Variants in TMEM98 observed in about 807,000 individuals in gnomAD.
TMEM98 encodes the protein transmembrane protein 98.
In TMEM98, 18 loss-of-function variants were observed where a neutral mutation model predicts 25.0. That is an observed-to-expected ratio of 0.72 (90% CI 0.50 to 1.07). The LOEUF (loss-of-function observed/expected upper bound fraction) is 1.07, where lower values mean the gene tolerates loss of function less well. Among genes scored for constraint, TMEM98 ranks in the 50% least tolerant of loss-of-function variants. TMEM98 has a pLI of 0.00. For synonymous variants in TMEM98, 103 were observed against 112.4 expected, an observed-to-expected ratio of 0.92 and a Z score of 0.53; for missense variants, 241 against 289.0, an observed-to-expected ratio of 0.83 and a Z score of 1.20.
intron 6 of TMEM98, among the ~76,000 whole-genome samples, chr17:32,937,961 T>G (rs1222128069): frequency 6.6e-6 from 1 of 152,184 alleles, no homozygotes; most frequent in Non-Finnish European, 1.5e-5. Flanking sequence ...TTTTTGTGCC[T>G]TCTAAGAGCC....
Position 32,941,001 on chromosome 17 carries a change from A to T in TMEM98, c.*8A>T, listed in dbSNP as rs201452683. On this transcript the variant is annotated 3_prime_UTR_variant, in exon 8 of 8. Coordinates refer to ENST00000579849, the MANE Select transcript of TMEM98 (RefSeq NM_015544.3). The stretch of plus-strand genomic sequence containing the variant: ...GAGCAGTCTGCAATTTAGTGCCTAC[A>T]GGCCAGCAGCTAGCCATGAAGGCCC... 3.8e-6 allele frequency: 6 copies of T among 1,590,608 alleles called. No homozygotes were observed. The South Asian group carries it at 5.6e-5, about 15-fold the overall frequency.
At chr17:32,932,325 T>C (rs1447057824) in intron 3 of TMEM98, among the ~76,000 whole-genome samples, 3 of 152,126 alleles carry the variant, frequency 2.0e-5, no homozygotes, top group Admixed American at 2.0e-4. Flanking sequence ...GGTCTTGAAC[T>C]CCTGACCTCA....
At chr17:32,931,818 T>C (rs968842786) in intron 3 of TMEM98, among the ~76,000 whole-genome samples, 159 bp downstream of exon 3, 20 of 152,212 alleles carry the variant, frequency 1.3e-4, no homozygotes, top group African/African-American at 4.8e-4. Context: ...AGTTTAAGAA[T>C]GTTCCTTAAG....
At chr17:32,933,039 G>A (rs2091477936) in intron 3 of TMEM98, 135 bp from the exon 4 acceptor site, 1 of 1,315,406 alleles carries the variant, frequency 7.6e-7, no homozygotes. Flanking sequence ...CTTAGGTTTG[G>A]ATCCGGGACA....
intron 6 of TMEM98, among the ~76,000 whole-genome samples, chr17:32,937,587 TTTTA>T (rs953907566): frequency 2.6e-5 from 4 of 151,934 alleles, no homozygotes; most frequent in African/African-American, 9.7e-5. Flanking sequence ...TTCCCCATTA[TTTTA>T]TTTATTTATT....
At chr17:32,931,193 G>A in intron 1 of TMEM98, 134 bp from the exon 2 acceptor site, 1 of 230,388 alleles carries the variant, frequency 4.3e-6, no homozygotes, top group South Asian at 6.2e-5. Context: ...GACAGAGCTA[G>A]ACTCCATCTT....
chr17:32,931,310 A>G lies in TMEM98; in HGVS notation c.-130-17A>G, dbSNP rs2091467655. The G allele has an allele frequency of 2.1e-6, 1 of 478,282 alleles. No homozygotes were observed. The highest frequency in any genetic ancestry group is 3.5e-6 in the Non-Finnish European group (1 of 283,330). 29.6% of individuals were successfully genotyped at this position (478,282 alleles called of 1,614,324 possible). ...AAATTTGGGGCATGGCATAAATTTT[A>G]CCTTGGTTCTCTTCAGGCCCTCAGG... On this transcript the variant is annotated splice_polypyrimidine_tract_variant and intron_variant, in intron 1 of 7. Transcript: ENST00000579849.
intron 7 of TMEM98, 131 bp from the exon 8 acceptor site, chr17:32,940,654 GC>G: frequency 1.2e-6 from 1 of 868,434 alleles, no homozygotes. Flanking sequence ...ACTTTAAATT[GC>G]ATACCTACCA....
Position 32,941,108 on chromosome 17 carries a change from G to A in TMEM98, c.*115G>A. 1.1e-6 allele frequency: 1 copy of A among 897,218 alleles called. No individual in the cohort carries two copies. Among genetic ancestry groups the A allele is most frequent in the East Asian group, 2.7e-5 (1 of 37,458 alleles). 55.6% of individuals were successfully genotyped at this position (897,218 alleles called of 1,614,324 possible). On this transcript the variant is annotated 3_prime_UTR_variant, in exon 8 of 8. Coordinates refer to ENST00000579849, the MANE Select transcript of TMEM98 (RefSeq NM_015544.3). ...TTGTTCTCCACGGCTGGAGAGTTCA[G>A]CTGTGTGTGCATAGTAAAGCAGGAG...
At chr17:32,938,347 T>C (rs1184687006) in intron 6 of TMEM98, among the ~76,000 whole-genome samples, 9 of 152,166 alleles carry the variant, frequency 5.9e-5, no homozygotes, top group Non-Finnish European at 1.0e-4. Context: ...AGGAGCTGGC[T>C]GAGATAGGCG....
Position 32,940,659 on chromosome 17 carries a change from C to T in TMEM98, c.474-127C>T. On this transcript the variant is annotated intron_variant, in intron 7 of 7. Transcript: ENST00000579849. ...CATGGAGCCAACTTTAAATTGCATACCTACCAACATCCTAGGGAAGGGTGT... is the reference window on the plus strand; with the variant it reads ...CATGGAGCCAACTTTAAATTGCATATCTACCAACATCCTAGGGAAGGGTGT... 4 of 902,130 alleles carry T rather than the reference C, an allele frequency of 4.4e-6. No homozygotes were observed. The South Asian group carries it at 6.6e-5, about 15-fold the overall frequency. 55.9% of individuals were successfully genotyped at this position (902,130 alleles called of 1,614,324 possible).
chr17:32,940,940 G>C lies in TMEM98; in HGVS notation c.628G>C (p.Asp210His). 6.2e-7 allele frequency: 1 copy of C among 1,613,994 alleles called. No individual in the cohort carries two copies. The highest frequency in any genetic ancestry group is 8.5e-7 in the Non-Finnish European group (1 of 1,179,990). Residue 210 changes from aspartate to histidine, a missense_variant, in exon 8 of 8, where the codon GAT (aspartate) becomes CAT (histidine). Transcript: ENST00000579849. ...LREAALASEP[D>H]KGLPGPEGFL... ...AGAAGCAGCCCTAGCTTCTGAGCCAGATAAAGGCCTCCCAGGCCCTGAAGG... is the reference window on the plus strand; with the variant it reads ...AGAAGCAGCCCTAGCTTCTGAGCCACATAAAGGCCTCCCAGGCCCTGAAGG...
At position 32,943,660 on chromosome 17, in the gene TMEM98, A is replaced by G. The variant is rs1366311237; in HGVS notation, c.*2667A>G. On this transcript the variant is annotated 3_prime_UTR_variant, in exon 8 of 8. Coordinates refer to ENST00000579849, the MANE Select transcript of TMEM98 (RefSeq NM_015544.3). Reference sequence around the variant, plus strand: ...AGTGACTTACAGTGTGAGCTTGGTCAAGTTCTTAACATTCTGGTCCTTAGC... The same window carrying G: ...AGTGACTTACAGTGTGAGCTTGGTCGAGTTCTTAACATTCTGGTCCTTAGC... The G allele has an allele frequency of 6.6e-6, 1 of 152,200 alleles. No individual in the cohort carries two copies. Among genetic ancestry groups the G allele is most frequent in the African/African-American group, 2.4e-5 (1 of 41,446 alleles). 9.4% of individuals were successfully genotyped at this position (152,200 alleles called of 1,614,324 possible).
intron 2 of TMEM98, 28 bp from the exon 3 acceptor site, chr17:32,931,447 A>AAAGAGAG: frequency 6.5e-7 from 1 of 1,536,974 alleles, no homozygotes; most frequent in East Asian, 2.4e-5. Context: ...TCTTGACCAG[A>AAAGAGAG]TCTGCTCTGA....
rs1331620600 is a variant in TMEM98 at position 32,943,891 on chromosome 17, C to T, written c.*2898C>T. 6.6e-6 allele frequency: 1 copy of T among 152,282 alleles called. No homozygotes were observed. Among genetic ancestry groups the T allele is most frequent in the Non-Finnish European group, 1.5e-5 (1 of 68,102 alleles). 9.4% of individuals were successfully genotyped at this position (152,282 alleles called of 1,614,324 possible). A position where few individuals can be genotyped will look rare whatever the true frequency, so the allele number is the denominator to read the frequency against. ...CTTGGTCCAAGCAGTGACTTCTGTT[C>T]ATGGGCTCTGGAATTGAGTGGCCAA... On this transcript the variant is annotated 3_prime_UTR_variant, in exon 8 of 8. Transcript: ENST00000579849.
At chr17:32,934,231 G>T (rs751172371) in intron 4 of TMEM98, 60 bp from the exon 5 acceptor site, 43 of 1,593,114 alleles carry the variant, frequency 2.7e-5, no homozygotes, top group Non-Finnish European at 3.5e-5. Context: ...GCAAGGGTGG[G>T]AGCTGGAGGG....
At chr17:32,935,300 T>C (rs1450780871) in intron 5 of TMEM98, among the ~76,000 whole-genome samples, 1 of 152,212 alleles carries the variant, frequency 6.6e-6, no homozygotes, top group Non-Finnish European at 1.5e-5. Flanking sequence ...TTGATAGAGC[T>C]AGGTAGGCAT....
rs965992247 is a variant in TMEM98, at chr17:32,942,999, A to T, written c.*2006A>T. On this transcript the variant is annotated 3_prime_UTR_variant, in exon 8 of 8. Coordinates refer to ENST00000579849, the MANE Select transcript of TMEM98 (RefSeq NM_015544.3). ...AGAAGCAGTTCTGAATTGGTATCTCAAATACCATCCACCTGGTGTGGGTCT... is the reference window on the plus strand; with the variant it reads ...AGAAGCAGTTCTGAATTGGTATCTCTAATACCATCCACCTGGTGTGGGTCT... The T allele has an allele frequency of 4.6e-5, 7 of 152,162 alleles. No individual in the cohort carries two copies. The highest frequency in any genetic ancestry group is 1.0e-4 in the Non-Finnish European group (7 of 68,036). 9.4% of individuals were successfully genotyped at this position (152,162 alleles called of 1,614,324 possible).
intron 5 of TMEM98, among the ~76,000 whole-genome samples, chr17:32,934,631 G>A (rs28923): frequency 0.67 from 101,824 of 152,050 alleles, 35,389 homozygotes; most frequent in African/African-American, 0.86. Flanking sequence ...TCCTGAGACC[G>A]TGTAGCTGCC....
Sources: gnomAD v4.1 joint callset for allele counts (sites outside exome capture counted in the v4.1 genomes callset) on GRCh38, gnomAD v4.1.1 for gene constraint, MANE v1.5 for transcripts, NCBI Gene and HGNC (gene_info 2026-07-23, HGNC 2026-07-21) for gene names.